The following DHX57 variants were observed in gnomAD, a reference collection of about 807,000 sequenced individuals.
DHX57 encodes the protein DExH-box helicase 57, also known as putative ATP-dependent RNA helicase DHX57.
DHX57 carries 105 observed loss-of-function variants against 156.2 expected under a neutral mutation model. The ratio of observed to expected loss-of-function variants is 0.67; its 90% CI spans 0.57 to 0.79. The LOEUF (loss-of-function observed/expected upper bound fraction) is 0.79, where lower values mean the gene tolerates loss of function less well. Among genes scored for constraint, DHX57 ranks in the 30% least tolerant of loss-of-function variants. DHX57 has a pLI of 0.00. For synonymous variants in DHX57, 704 were observed against 595.6 expected, an observed-to-expected ratio of 1.18 and a Z score of -2.65; for missense variants, 1,847 against 1,661.9, an observed-to-expected ratio of 1.11 and a Z score of -1.94.
rs1452411557 is a variant in DHX57, at chr2:38,848,383, A to G, written c.2050T>C (p.Leu684=). The G allele has an allele frequency of 6.2e-7, 1 of 1,603,746 alleles. No individual in the cohort carries two copies. Among genetic ancestry groups the G allele is most frequent in the Non-Finnish European group, 8.5e-7 (1 of 1,176,262 alleles). ...TEESDFLLLV[L]KDIVSQRPGL... ...GGCCTCTGCGATACAATGTCCTTCAAAACTAGCAGCAAGAAGTCACTAGAG... is the reference window on the plus strand; with the variant it reads ...GGCCTCTGCGATACAATGTCCTTCAGAACTAGCAGCAAGAAGTCACTAGAG... Residue 684 remains leucine, a synonymous_variant, in exon 10 of 24, where the codon TTG becomes CTG. Coordinates refer to ENST00000457308, the MANE Select transcript of DHX57 (RefSeq NM_198963.3).
intron 1 of DHX57, among the ~76,000 whole-genome samples, chr2:38,870,447 C>T (rs1196447039): frequency 3.9e-5 from 6 of 152,058 alleles, no homozygotes; most frequent in Non-Finnish European, 5.9e-5. Context: ...GGTCAAAAGA[C>T]AAAGAGAAAA....
intron 6 of DHX57, among the ~76,000 whole-genome samples, chr2:38,858,352 G>A (rs887880785): frequency 9.2e-5 from 14 of 152,290 alleles, no homozygotes; most frequent in East Asian, 1.9e-4. Flanking sequence ...GTGAGCCACC[G>A]TGCCCGGCCA....
In DHX57 at chr2:38,798,337, T is replaced by C. The variant is rs1669488511; in HGVS notation, c.4123A>G (p.Ile1375Val). Reference sequence around the variant, plus strand: ...ACAAGTTTCACAATTGTGCTGATGATCCGGGATCCTCGAGGACACGTACAC... The same window carrying C: ...ACAAGTTTCACAATTGTGCTGATGACCCGGGATCCTCGAGGACACGTACAC... ...DLCTCPRGSR[I>V]ISTIVKLVTT... The change falls in exon 24 of 24, where the codon ATC becomes GTC. Residue 1375 changes from isoleucine to valine, a missense_variant. Coordinates refer to ENST00000457308, the MANE Select transcript of DHX57 (RefSeq NM_198963.3). 2 of 1,613,822 alleles carry C rather than the reference T, an allele frequency of 1.2e-6. No individual in the cohort carries two copies. The highest frequency in any genetic ancestry group is 8.5e-7 in the Non-Finnish European group (1 of 1,179,968).
In DHX57 at chr2:38,866,306, T is replaced by C. The variant is rs371048834; in HGVS notation, c.224+1876A>G. On this transcript the variant is annotated intron_variant, in intron 2 of 23. Transcript: ENST00000457308. ...CACTTGCCTTCTTGCCCACTCATTC[T>C]AGCCACATGGTTCTTTGCTATTTCC... Among the ~76,000 whole-genome samples the C allele has an allele frequency of 2.6e-5, 4 of 152,214 alleles. No individual in the cohort carries two copies. In the East Asian group the frequency reaches 7.7e-4, roughly 29 times the overall value.
chr2:38,854,560 T>G (rs1053188337), intron 8 of DHX57: 1 of 147,724 alleles, frequency 6.8e-6, no homozygotes, highest in African/African-American at 2.5e-5. Flanking sequence ...ATAAGAGTTT[T>G]TTTTTTTTTT....
At chr2:38,853,931 C>T (rs572780203) in intron 9 of DHX57, 123 bp downstream of exon 9, 8 of 948,966 alleles carry the variant, frequency 8.4e-6, no homozygotes, top group African/African-American at 3.3e-5. Flanking sequence ...CTAACATAGG[C>T]CTTCCTTGTG....
chr2:38,809,109 TA>T (rs1349263915), intron 21 of DHX57, among the ~76,000 whole-genome samples: 1 of 152,082 alleles, frequency 6.6e-6, no homozygotes, highest in Non-Finnish European at 1.5e-5. Context: ...TTATAATTTT[TA>T]AAAAGTTTTG....
chr2:38,798,549 A>C lies in DHX57; in HGVS notation c.4018-107T>G, dbSNP rs528932283. 6.2e-6 allele frequency: 8 copies of C among 1,291,460 alleles called. No individual in the cohort carries two copies. The African/African-American group carries it at 1.0e-4, about 17-fold the overall frequency. 80.0% of individuals were successfully genotyped at this position (1,291,460 alleles called of 1,614,324 possible). ...TACCATTATTTAGATTTCTGGTACT[A>C]ATTTTAACTCCATTAGGAGCAAAAA... On this transcript the variant is annotated intron_variant, in intron 23 of 23. Transcript: ENST00000457308.
At chr2:38,871,373 T>A (rs750306761) in intron 1 of DHX57, among the ~76,000 whole-genome samples, 3 of 152,142 alleles carry the variant, frequency 2.0e-5, no homozygotes, top group Non-Finnish European at 4.4e-5. Context: ...CTACAGACAG[T>A]AAAGTAATAC....
At chr2:38,815,783 C>T (rs972119389) in intron 19 of DHX57, 128 bp from the exon 20 acceptor site, 4 of 1,163,816 alleles carry the variant, frequency 3.4e-6, no homozygotes, top group Admixed American at 4.6e-5. Context: ...GGATTCATTC[C>T]TCAGGTATGA....
chr2:38,843,442 C>T (rs997603476), intron 11 of DHX57, among the ~76,000 whole-genome samples: 3 of 152,162 alleles, frequency 2.0e-5, no homozygotes, highest in African/African-American at 7.2e-5. Flanking sequence ...AAAGCTCTAT[C>T]CAGGAATAAT....
chr2:38,858,586 A>T, intron 6 of DHX57, 75 bp downstream of exon 6: 1 of 1,498,318 alleles, frequency 6.7e-7, no homozygotes. Flanking sequence ...GAGGGTAGCC[A>T]AAGCTCCCTA....
chr2:38,866,560 A>G (rs1665082364), intron 2 of DHX57, among the ~76,000 whole-genome samples: 1 of 152,096 alleles, frequency 6.6e-6, no homozygotes, highest in Non-Finnish European at 1.5e-5. Context: ...AATGTTATAC[A>G]TTTGTTTATG....
intron 1 of DHX57, among the ~76,000 whole-genome samples, chr2:38,873,055 T>C (rs1389008654): frequency 6.6e-6 from 1 of 152,090 alleles, no homozygotes; most frequent in African/African-American, 2.4e-5. Flanking sequence ...TGGCACAATC[T>C]TGGCTCACAG....
At chr2:38,816,905 T>A (rs891931327) in intron 19 of DHX57, among the ~76,000 whole-genome samples, 2 of 151,974 alleles carry the variant, frequency 1.3e-5, no homozygotes, top group Non-Finnish European at 2.9e-5. Context: ...CATATCCTAA[T>A]GAAAAAAAAA....
At chr2:38,812,832 C>A (rs1400561416) in intron 21 of DHX57, among the ~76,000 whole-genome samples, 2 of 66,204 alleles carry the variant, frequency 3.0e-5, no homozygotes, top group East Asian at 6.1e-4. Context: ...CGTGCCTGTC[C>A]CTTATTTACT....
intron 5 of DHX57, 36 bp from the exon 6 acceptor site, chr2:38,858,872 G>A (rs909183684): frequency 1.9e-6 from 3 of 1,571,152 alleles, no homozygotes; most frequent in African/African-American, 1.4e-5. Flanking sequence ...TCAGTATGGA[G>A]CCCTTTCTTT....
intron 9 of DHX57, 87 bp from the exon 10 acceptor site, chr2:38,848,489 G>A: frequency 7.5e-7 from 1 of 1,333,934 alleles, no homozygotes; most frequent in Non-Finnish European, 1.0e-6. Context: ...AGCAAGAAAT[G>A]TGTAAGATCT....
chr2:38,811,679 T>C, intron 21 of DHX57: 1 of 1,037,854 alleles, frequency 9.6e-7, no homozygotes, highest in Non-Finnish European at 1.4e-6. Flanking sequence ...GAGGTGCAAT[T>C]CCTGGTGCCT....
Sources: gnomAD v4.1 joint callset for allele counts (sites outside exome capture counted in the v4.1 genomes callset) on GRCh38, gnomAD v4.1.1 for gene constraint, MANE v1.5 for transcripts, NCBI Gene and HGNC (gene_info 2026-07-23, HGNC 2026-07-21) for gene names.